AUTS2: variants seen among roughly 807,000 people sequenced by gnomAD.
AUTS2 encodes activator of transcription and developmental regulator AUTS2, also known as autism susceptibility gene 2 protein.
Under a neutral mutation model 112.4 loss-of-function variants are expected in AUTS2, and 17 were observed. That is an observed-to-expected ratio of 0.15 (90% CI 0.10 to 0.23). AUTS2 has a LOEUF of 0.23. Among genes scored for constraint, AUTS2 ranks in the 10% least tolerant of loss-of-function variants. The pLI is 1.00. For synonymous variants in AUTS2, 751 were observed against 702.7 expected (o/e 1.07, Z -1.09); for missense variants, 1,510 against 1,701.6 (o/e 0.89, Z 1.98).
chr7:69,904,650 A>T (rs541572533), intron 2 of AUTS2, among the ~76,000 whole-genome samples: 1 of 152,176 alleles, frequency 6.6e-6, no homozygotes, highest in Non-Finnish European at 1.5e-5. Flanking sequence ...TCTACCTCAT[A>T]CTTCAAAATT....
At chr7:69,796,692 G>A (rs1209674267) in intron 1 of AUTS2, among the ~76,000 whole-genome samples, 1 of 152,170 alleles carries the variant, frequency 6.6e-6, no homozygotes, top group Non-Finnish European at 1.5e-5. Flanking sequence ...CAGATTTGCA[G>A]GGTAGCTGAA....
At chr7:70,369,881 T>C (rs1467436793) in intron 4 of AUTS2, among the ~76,000 whole-genome samples, 2 of 152,214 alleles carry the variant, frequency 1.3e-5, no homozygotes, top group African/African-American at 2.4e-5. Context: ...TCTTTAGTCC[T>C]GCTTGCCCAT....
chr7:70,696,343 T>C (rs369661647), intron 5 of AUTS2, among the ~76,000 whole-genome samples: 1 of 152,122 alleles, frequency 6.6e-6, no homozygotes, highest in South Asian at 2.1e-4. Flanking sequence ...CCCATTGCAG[T>C]CGTCATCTTT....
At chr7:70,715,527 C>CTTTTA in intron 6 of AUTS2, among the ~76,000 whole-genome samples, 1 of 150,124 alleles carries the variant, frequency 6.7e-6, no homozygotes, top group Non-Finnish European at 1.5e-5. Context: ...CTTTTCTTTT[C>CTTTTA]TTTTCTTTTC....
Position 70,582,268 on chromosome 7 carries a change from C to G in AUTS2, c.691-116301C>G, listed in dbSNP as rs144004344. ...GGCTGTCTTCTCAGCCCTTTTCAGA[C>G]CCGCACTCTTTCCTCCATCCACATC... On this transcript the variant is annotated intron_variant, in intron 5 of 18. Coordinates refer to ENST00000342771, the MANE Select transcript of AUTS2 (RefSeq NM_015570.4). Among the ~76,000 whole-genome samples, 1,058 of 152,142 alleles carry G rather than the reference C, an allele frequency of 7.0e-3. 8 individuals carry two copies. Among genetic ancestry groups the G allele is most frequent in the Admixed American group, 0.017 (260 of 15,282 alleles).
chr7:70,786,586 C>A (rs542487424), intron 17 of AUTS2, among the ~76,000 whole-genome samples: 3 of 152,138 alleles, frequency 2.0e-5, no homozygotes, highest in Non-Finnish European at 4.4e-5. Context: ...AGAATTACAA[C>A]CCCATCTCAC....
chr7:70,245,114 T>G (rs1812829028), intron 4 of AUTS2, among the ~76,000 whole-genome samples: 2 of 97,774 alleles, frequency 2.0e-5, no homozygotes, highest in African/African-American at 4.7e-5. Flanking sequence ...AGTGAGATCC[T>G]GCCTCAAAAA....
At chr7:70,240,679 A>G (rs1812564453) in intron 4 of AUTS2, among the ~76,000 whole-genome samples, 3 of 152,248 alleles carry the variant, frequency 2.0e-5, no homozygotes, top group Admixed American at 2.0e-4. Context: ...CTAGTTTAAT[A>G]TAGCATGTGC....
chr7:70,006,361 C>T (rs1799544417), intron 2 of AUTS2, among the ~76,000 whole-genome samples: 3 of 152,014 alleles, frequency 2.0e-5, no homozygotes. Flanking sequence ...TTTGTATGTT[C>T]CTCTAAAGAA....
chr7:69,738,218 T>C (rs918304824), intron 1 of AUTS2, among the ~76,000 whole-genome samples: 1 of 152,058 alleles, frequency 6.6e-6, no homozygotes, highest in Non-Finnish European at 1.5e-5. Flanking sequence ...CTAAGCCATA[T>C]CCTTGGATCC....
At chr7:70,133,796 GCTT>G (rs1402110407) in intron 3 of AUTS2, among the ~76,000 whole-genome samples, 2 of 152,078 alleles carry the variant, frequency 1.3e-5, no homozygotes, top group African/African-American at 4.8e-5. Context: ...TTTTGGGGGG[GCTT>G]CTTTTCCCAA....
chr7:69,695,376 G>A (rs1478312213), intron 1 of AUTS2, among the ~76,000 whole-genome samples: 2 of 151,904 alleles, frequency 1.3e-5, no homozygotes, highest in Middle Eastern at 3.4e-3. Context: ...GATTAACAAA[G>A]TAACAGGGAA....
chr7:69,897,044 C>A (rs956825004), intron 1 of AUTS2, among the ~76,000 whole-genome samples: 6 of 152,104 alleles, frequency 3.9e-5, no homozygotes, highest in African/African-American at 1.4e-4. Context: ...GTGACTTTTC[C>A]CCACACCATT....
chr7:70,527,089 T>G (rs1299798463), intron 5 of AUTS2, among the ~76,000 whole-genome samples: 1 of 152,232 alleles, frequency 6.6e-6, no homozygotes, highest in Non-Finnish European at 1.5e-5. Flanking sequence ...GGGTTCACCC[T>G]TTGCTCTCCT....
intron 4 of AUTS2, among the ~76,000 whole-genome samples, chr7:70,305,527 T>C (rs561111478): frequency 5.3e-5 from 8 of 152,226 alleles, no homozygotes; most frequent in Non-Finnish European, 1.2e-4. Context: ...TAAGAAATTC[T>C]ACTTGGAATT....
intron 5 of AUTS2, among the ~76,000 whole-genome samples, chr7:70,606,140 A>G (rs981746276): frequency 5.3e-5 from 8 of 152,196 alleles, no homozygotes; most frequent in African/African-American, 1.2e-4. Context: ...CGTATAATCA[A>G]CTTTCACACA....
chr7:70,593,825 A>T (rs1803065805), intron 5 of AUTS2, among the ~76,000 whole-genome samples: 1 of 152,176 alleles, frequency 6.6e-6, no homozygotes, highest in Non-Finnish European at 1.5e-5. Context: ...CACAGTCAGG[A>T]CCAGTCACTT....
At chr7:69,789,700 A>G (rs890590151) in intron 1 of AUTS2, among the ~76,000 whole-genome samples, 1 of 152,022 alleles carries the variant, frequency 6.6e-6, no homozygotes. Flanking sequence ...CCTAAATCAC[A>G]TATTTCAGAG....
chr7:69,865,551 G>A (rs559160369), intron 1 of AUTS2, among the ~76,000 whole-genome samples: 2 of 152,212 alleles, frequency 1.3e-5, no homozygotes, highest in South Asian at 4.2e-4. Flanking sequence ...TTCCCCTGTT[G>A]CAAAAGGACC....
Sources: gnomAD v4.1 joint callset for allele counts (sites outside exome capture counted in the v4.1 genomes callset) on GRCh38, gnomAD v4.1.1 for gene constraint, MANE v1.5 for transcripts, NCBI Gene and HGNC (gene_info 2026-07-23, HGNC 2026-07-21) for gene names.